C3orf70: variants seen among roughly 807,000 people sequenced by gnomAD.
C3orf70 encodes UPF0524 protein C3orf70.
C3orf70 carries 15 observed loss-of-function variants against 20.7 expected under a neutral mutation model. The ratio of observed to expected loss-of-function variants is 0.72; its 90% CI spans 0.48 to 1.11. The LOEUF is 1.11. Ranked by LOEUF, C3orf70 falls within the 50% of genes most tolerant of loss-of-function variation. The probability of loss-of-function intolerance (pLI) is 0.00; values close to 1 mark genes in which losing one functional copy is unlikely to be tolerated. For synonymous variants in C3orf70, 161 were observed against 125.7 expected, an observed-to-expected ratio of 1.28 and a Z score of -1.88; for missense variants, 332 against 317.6, an observed-to-expected ratio of 1.05 and a Z score of -0.34.
intron 1 of C3orf70, among the ~76,000 whole-genome samples, chr3:185,092,246 T>C (rs1409665982): frequency 2.6e-5 from 4 of 152,112 alleles, no homozygotes; most frequent in African/African-American, 9.7e-5. Flanking sequence ...ACTGTAAACA[T>C]TCTGTTATTC....
Position 185,152,952 on chromosome 3 carries a change from G to A in C3orf70, c.-129C>T, listed in dbSNP as rs1322237580. 2.4e-6 allele frequency: 2 copies of A among 823,018 alleles called. No individual in the cohort carries two copies. The highest frequency in any genetic ancestry group is 3.2e-6 in the Non-Finnish European group (2 of 615,820). The allele number at this position is 823,018 out of a possible 1,614,324, so 51.0% of individuals were successfully genotyped here. On this transcript the variant is annotated 5_prime_UTR_variant, in exon 1 of 2. Coordinates refer to ENST00000335012, the MANE Select transcript of C3orf70 (RefSeq NM_001025266.3). ...GCCGGGAGTCACGCCAGCACGCGGC[G>A]GCGGCGGGAGCGCGGCGGTCCCAGG... is the stretch of plus-strand genomic sequence containing the variant.
intron 1 of C3orf70, among the ~76,000 whole-genome samples, chr3:185,092,050 C>T (rs1303178181): frequency 2.7e-5 from 4 of 147,514 alleles, no homozygotes; most frequent in African/African-American, 5.0e-5. Context: ...CCACCTGCCT[C>T]GGCCTCCCAA....
At chr3:185,101,091 T>G (rs185795173) in intron 1 of C3orf70, among the ~76,000 whole-genome samples, 579 of 152,190 alleles carry the variant, frequency 3.8e-3, no homozygotes, top group Non-Finnish European at 5.4e-3. Context: ...CACAGGCAAA[T>G]TCTATCAGAT....
chr3:185,099,178 T>C (rs9866789), intron 1 of C3orf70, among the ~76,000 whole-genome samples: 7,904 of 152,174 alleles, frequency 0.052, 670 homozygotes, highest in African/African-American at 0.18. Context: ...GGGAGAACTT[T>C]CCCAAGTTAG....
Position 185,111,959 on chromosome 3 carries a change from CAA to C in C3orf70, c.197-28398_197-28397del, listed in dbSNP as rs543852773. Among the ~76,000 whole-genome samples the C allele has an allele frequency of 4.5e-4, 68 of 152,208 alleles. 1 individual carries two copies. The East Asian group carries it at 0.012, about 26-fold the overall frequency. On this transcript the variant is annotated intron_variant, in intron 1 of 1. Transcript: ENST00000335012. ...TGCATAAATGAAGTAAGCATTTAAACAAAGAGATAGAAAATACTTTTAAAACA... is the reference window on the plus strand; with the variant it reads ...TGCATAAATGAAGTAAGCATTTAAACAGAGATAGAAAATACTTTTAAAACA...
chr3:185,131,369 T>C lies in C3orf70; in HGVS notation c.196+21259A>G, dbSNP rs557317894. Among the ~76,000 whole-genome samples the C allele has an allele frequency of 2.0e-5, 3 of 152,334 alleles. No homozygotes were observed. In the South Asian group the frequency reaches 6.2e-4, roughly 32 times the overall value. On this transcript the variant is annotated intron_variant, in intron 1 of 1. Transcript: ENST00000335012. ...GAGGTGCTTACCACTCAACAAAAAG[T>C]AACCAAGTGGTAATATCTTGTTATA...
At chr3:185,113,558 T>C (rs112791551) in intron 1 of C3orf70, among the ~76,000 whole-genome samples, 3,083 of 152,288 alleles carry the variant, frequency 0.02, 44 homozygotes, top group East Asian at 0.094. Flanking sequence ...TATAAATAAC[T>C]AACACTAGTA....
chr3:185,094,603 T>C (rs988453807), intron 1 of C3orf70, among the ~76,000 whole-genome samples: 9 of 151,880 alleles, frequency 5.9e-5, no homozygotes, highest in Non-Finnish European at 1.2e-4. Context: ...ACACGGCTAA[T>C]TCCAGTTGAG....
intron 1 of C3orf70, among the ~76,000 whole-genome samples, chr3:185,093,920 C>T (rs774584286): frequency 5.3e-5 from 8 of 151,882 alleles, no homozygotes; most frequent in Non-Finnish European, 7.4e-5. Context: ...ACCACCCCAC[C>T]CCAACAGAAA....
At chr3:185,091,961 A>ATATATATT (rs1715598716) in intron 1 of C3orf70, among the ~76,000 whole-genome samples, 1 of 7,222 alleles carries the variant, frequency 1.4e-4, no homozygotes, top group Non-Finnish European at 2.4e-4. Context: ...ATATATATAT[A>ATATATATT]TATTTTTTTT....
intron 1 of C3orf70, among the ~76,000 whole-genome samples, chr3:185,086,435 G>A (rs764560994): frequency 5.3e-4 from 81 of 152,278 alleles, no homozygotes; most frequent in Admixed American, 1.7e-3. Context: ...TTTAGAAGGT[G>A]GAGGCTCTAA....
Position 185,152,896 on chromosome 3 carries a change from C to CT in C3orf70, c.-74_-73insA. 7.4e-7 allele frequency: 1 copy of CT among 1,347,870 alleles called. No individual in the cohort carries two copies. Among genetic ancestry groups the CT allele is most frequent in the Non-Finnish European group, 9.6e-7 (1 of 1,037,290 alleles). 83.5% of individuals were successfully genotyped at this position (1,347,870 alleles called of 1,614,324 possible). ...ACGTCTGGGTGGGCAGGAAGCCGAG[C>CT]CGGCTGCGGACGCGGGAGGGCGCGG... On this transcript the variant is annotated 5_prime_UTR_variant, in exon 1 of 2. Coordinates refer to ENST00000335012, the MANE Select transcript of C3orf70 (RefSeq NM_001025266.3).
At chr3:185,126,400 A>T (rs6769709) in intron 1 of C3orf70, among the ~76,000 whole-genome samples, 14,417 of 152,182 alleles carry the variant, frequency 0.095, 747 homozygotes, top group South Asian at 0.18. Context: ...GAAGGATCTG[A>T]CTTCTCAGAC....
Position 185,091,884 on chromosome 3 carries a change from T to G in C3orf70, c.197-8321A>C, listed in dbSNP as rs1332285843. ...TTATATTATATATATATATATAATA[T>G]ATATACACACATACACACACACACA... On this transcript the variant is annotated intron_variant, in intron 1 of 1. Coordinates refer to ENST00000335012, the MANE Select transcript of C3orf70 (RefSeq NM_001025266.3). 6.1e-5 allele frequency among the ~76,000 whole-genome samples: 8 copies of G among 130,928 alleles called. 2 individuals are homozygous for G. Among genetic ancestry groups the G allele is most frequent in the African/African-American group, 2.3e-4 (8 of 35,298 alleles). 85.9% of individuals were successfully genotyped at this position (130,928 alleles called of 152,430 possible).
At position 185,112,205 on chromosome 3, in the gene C3orf70, G is replaced by A. The variant is rs571868594; in HGVS notation, c.197-28642C>T. 2.0e-5 allele frequency among the ~76,000 whole-genome samples: 3 copies of A among 152,228 alleles called. No individual in the cohort carries two copies. The South Asian group carries it at 6.2e-4, about 32-fold the overall frequency. On this transcript the variant is annotated intron_variant, in intron 1 of 1. Coordinates refer to ENST00000335012, the MANE Select transcript of C3orf70 (RefSeq NM_001025266.3). ...CTTGGGAAGCTGAGGCAGGAGAATC[G>A]CTTGAACCTGGGAGGCGGAGGGTGC...
intron 1 of C3orf70, among the ~76,000 whole-genome samples, chr3:185,111,378 T>C (rs966040420): frequency 6.6e-6 from 1 of 152,174 alleles, no homozygotes; most frequent in African/African-American, 2.4e-5. Context: ...TATAAAGAAC[T>C]CTTAGAATTC....
At chr3:185,121,021 A>G (rs1265144307) in intron 1 of C3orf70, among the ~76,000 whole-genome samples, 2 of 152,242 alleles carry the variant, frequency 1.3e-5, no homozygotes, top group Non-Finnish European at 2.9e-5. Context: ...AATGTGGTAT[A>G]TATGTATACG....
intron 1 of C3orf70, among the ~76,000 whole-genome samples, chr3:185,122,103 A>AG (rs1380880364): frequency 6.6e-6 from 1 of 151,766 alleles, no homozygotes; most frequent in East Asian, 1.9e-4. Context: ...CGTCTCAAAA[A>AG]AAAAAAAAAA....
intron 1 of C3orf70, among the ~76,000 whole-genome samples, chr3:185,139,934 A>C (rs762138147): frequency 6.6e-6 from 1 of 152,232 alleles, no homozygotes; most frequent in African/African-American, 2.4e-5. Context: ...AAAAGCATCA[A>C]AAAGCACAAT....
Sources: gnomAD v4.1 joint callset for allele counts (sites outside exome capture counted in the v4.1 genomes callset) on GRCh38, gnomAD v4.1.1 for gene constraint, MANE v1.5 for transcripts, NCBI Gene and HGNC (gene_info 2026-07-23, HGNC 2026-07-21) for gene names.